Variants in CHST11 observed in about 807,000 individuals in gnomAD.
CHST11 encodes carbohydrate sulfotransferase 11.
A neutral mutation model predicts 30.4 loss-of-function variants in CHST11; 9 were observed. The observed-to-expected ratio is 0.30, with a 90% CI of 0.18 to 0.52. The LOEUF (loss-of-function observed/expected upper bound fraction) is 0.52. Ranked by LOEUF, CHST11 falls within the 20% of genes least tolerant of loss-of-function variation. CHST11 has a pLI of 0.97. For missense variants in CHST11, 348 were observed against 460.6 expected, an observed-to-expected ratio of 0.76 and a Z score of 2.24; for synonymous variants, 152 against 187.8, an observed-to-expected ratio of 0.81 and a Z score of 1.56.
chr12:104,576,557 CTCTTCAGAGAAGT>C (rs2038685537), intron 1 of CHST11, among the ~76,000 whole-genome samples: 1 of 152,182 alleles, frequency 6.6e-6, no homozygotes, highest in South Asian at 2.1e-4. Flanking sequence ...GAGCAACGGA[CTCTTCAGAGAAGT>C]TCTTCAGAGA....
chr12:104,572,969 C>T lies in CHST11; in HGVS notation c.119-28937C>T, dbSNP rs1308285172. 7.3e-5 allele frequency among the ~76,000 whole-genome samples: 11 copies of T among 151,026 alleles called. No individual in the cohort carries two copies. In the East Asian group the frequency reaches 9.8e-4, roughly 13 times the overall value. ...TGATTGTATATCTAGAAAACCCCATCGTCTCAGCCCAAAATCTCCTTAAGC... is the reference window on the plus strand; with the variant it reads ...TGATTGTATATCTAGAAAACCCCATTGTCTCAGCCCAAAATCTCCTTAAGC... On this transcript the variant is annotated intron_variant, in intron 1 of 2. Transcript: ENST00000303694.
At chr12:104,673,937 G>T (rs534468005) in intron 2 of CHST11, among the ~76,000 whole-genome samples, 1 of 152,276 alleles carries the variant, frequency 6.6e-6, no homozygotes, top group South Asian at 2.1e-4. Context: ...AGACGTTGGT[G>T]GCATCTTTCT....
At chr12:104,615,414 G>T (rs1207209873) in intron 2 of CHST11, among the ~76,000 whole-genome samples, 1 of 152,208 alleles carries the variant, frequency 6.6e-6, no homozygotes, top group African/African-American at 2.4e-5. Flanking sequence ...CAAGCTCAGT[G>T]CTTGCCTGGA....
At chr12:104,583,873 C>A (rs1407973711) in intron 1 of CHST11, among the ~76,000 whole-genome samples, 1 of 152,076 alleles carries the variant, frequency 6.6e-6, no homozygotes, top group Non-Finnish European at 1.5e-5. Context: ...CCACCACACC[C>A]AGCTAATTTT....
chr12:104,545,949 C>T (rs760489635), intron 1 of CHST11, among the ~76,000 whole-genome samples: 12 of 152,088 alleles, frequency 7.9e-5, no homozygotes, highest in Non-Finnish European at 1.5e-4. Flanking sequence ...TCTCAGTCTC[C>T]GTGCCCATCC....
intron 1 of CHST11, among the ~76,000 whole-genome samples, chr12:104,508,273 C>T (rs2037926883): frequency 6.6e-6 from 1 of 152,210 alleles, no homozygotes; most frequent in Non-Finnish European, 1.5e-5. Context: ...TGGTTCATGT[C>T]ATTTATTTAA....
intron 2 of CHST11, among the ~76,000 whole-genome samples, chr12:104,613,359 T>A (rs925784493): frequency 2.0e-5 from 3 of 152,208 alleles, no homozygotes; most frequent in African/African-American, 7.2e-5. Flanking sequence ...TTTTCAGCCC[T>A]TGGTTACAAC....
At chr12:104,560,584 G>T (rs1009330203) in intron 1 of CHST11, among the ~76,000 whole-genome samples, 1 of 152,104 alleles carries the variant, frequency 6.6e-6, no homozygotes, top group Admixed American at 6.6e-5. Flanking sequence ...TTTATAATTG[G>T]GCAGCAGAAA....
intron 1 of CHST11, among the ~76,000 whole-genome samples, chr12:104,564,694 A>G (rs2038544779): frequency 6.6e-6 from 1 of 152,212 alleles, no homozygotes; most frequent in Non-Finnish European, 1.5e-5. Flanking sequence ...CACATCGGTG[A>G]TCCTTTGCCA....
In CHST11 at chr12:104,473,897, G is replaced by A. The variant is rs752119887; in HGVS notation, c.118+16368G>A. Among the ~76,000 whole-genome samples the A allele has an allele frequency of 1.3e-4, 20 of 151,898 alleles. 1 individual carries two copies. The highest frequency in any genetic ancestry group is 3.3e-4 in the Admixed American group (5 of 15,238). On this transcript the variant is annotated intron_variant, in intron 1 of 2. Coordinates refer to ENST00000303694, the MANE Select transcript of CHST11 (RefSeq NM_018413.6). The stretch of plus-strand genomic sequence containing the variant: ...CCACCTTTGATCCCCTTTATTTTCC[G>A]TTAAAACATCACCATCATCACCACC...
chr12:104,508,603 T>C (rs535138598), intron 1 of CHST11, among the ~76,000 whole-genome samples: 1 of 152,336 alleles, frequency 6.6e-6, no homozygotes, highest in African/African-American at 2.4e-5. Context: ...TCTGTCTCAT[T>C]CTGGTCCCCT....
At chr12:104,601,617 G>A (rs181777642) in intron 1 of CHST11, among the ~76,000 whole-genome samples, 1 of 152,178 alleles carries the variant, frequency 6.6e-6, no homozygotes, top group East Asian at 1.9e-4. Flanking sequence ...TTTGTAAGTG[G>A]TTTCATTTCA....
intron 2 of CHST11, among the ~76,000 whole-genome samples, chr12:104,633,247 T>C (rs2039288927): frequency 2.0e-5 from 3 of 152,122 alleles, no homozygotes; most frequent in African/African-American, 7.2e-5. Context: ...AATGCCTCAT[T>C]TGGGACAATA....
intron 2 of CHST11, among the ~76,000 whole-genome samples, chr12:104,672,214 G>T (rs777290293): frequency 2.6e-5 from 4 of 151,134 alleles, no homozygotes; most frequent in Admixed American, 6.6e-5. Context: ...GCCTGCACAG[G>T]GGGGTGGACC....
chr12:104,546,185 C>T (rs1221676402), intron 1 of CHST11, among the ~76,000 whole-genome samples: 1 of 151,732 alleles, frequency 6.6e-6, no homozygotes, highest in Non-Finnish European at 1.5e-5. Flanking sequence ...TTTAACTTTC[C>T]TGGGTTGGGT....
At chr12:104,629,548 A>G (rs2039252314) in intron 2 of CHST11, among the ~76,000 whole-genome samples, 1 of 152,178 alleles carries the variant, frequency 6.6e-6, no homozygotes, top group South Asian at 2.1e-4. Flanking sequence ...TTGGCCAGTC[A>G]CAGTGGCTCA....
chr12:104,686,281 C>CTTTTCCTAGGAGTCTA (rs2039845674), intron 2 of CHST11, among the ~76,000 whole-genome samples: 1 of 140,170 alleles, frequency 7.1e-6, no homozygotes, highest in Non-Finnish European at 1.5e-5. Context: ...GTTGACCTGA[C>CTTTTCCTAGGAGTCTA]TTTTCCTAGG....
intron 1 of CHST11, among the ~76,000 whole-genome samples, chr12:104,502,294 G>A (rs915277966): frequency 1.3e-4 from 20 of 152,084 alleles, no homozygotes; most frequent in African/African-American, 4.8e-4. Flanking sequence ...CGATTCTCCT[G>A]CCTCGGCCAC....
At chr12:104,632,869 G>A (rs1386905275) in intron 2 of CHST11, among the ~76,000 whole-genome samples, 2 of 152,236 alleles carry the variant, frequency 1.3e-5, no homozygotes, top group Non-Finnish European at 1.5e-5. Context: ...TGACGTTAAG[G>A]AGCCTCTTCT....
Sources: allele counts gnomAD v4.1 joint callset (sites outside exome capture counted in the v4.1 genomes callset), GRCh38; gene constraint gnomAD v4.1.1; transcripts MANE v1.5; gene names NCBI Gene and HGNC (gene_info 2026-07-23, HGNC 2026-07-21).